TIMP2: variants seen among roughly 807,000 people sequenced by gnomAD.
TIMP2 encodes TIMP metallopeptidase inhibitor 2, also known as metalloproteinase inhibitor 2.
In TIMP2, 5 loss-of-function variants were observed where a neutral mutation model predicts 24.3. The observed-to-expected ratio is 0.21, with a 90% CI of 0.11 to 0.43. The LOEUF is 0.43. Ranked by LOEUF, TIMP2 falls within the 20% of genes least tolerant of loss-of-function variation. TIMP2 has a pLI of 1.00. For synonymous variants in TIMP2, 130 were observed against 123.2 expected (o/e 1.06, Z -0.37); for missense variants, 221 against 297.5 (o/e 0.74, Z 1.89).
intron 1 of TIMP2, among the ~76,000 whole-genome samples, chr17:78,884,580 C>T (rs987311251): frequency 6.6e-6 from 1 of 152,152 alleles, no homozygotes; most frequent in African/African-American, 2.4e-5. Flanking sequence ...CCTTCCTCCT[C>T]AGCACAGCTT....
Position 78,855,518 on chromosome 17 carries a change from G to C in TIMP2, c.*149C>G, listed in dbSNP as rs914822045. The C allele has an allele frequency of 5.9e-5, 56 of 951,186 alleles. No homozygotes were observed. The highest frequency in any genetic ancestry group is 8.0e-5 in the Non-Finnish European group (52 of 648,268). 58.9% of individuals were successfully genotyped at this position (951,186 alleles called of 1,614,324 possible). On this transcript the variant is annotated 3_prime_UTR_variant, in exon 5 of 5. Transcript: ENST00000262768. This position sits in a 1 kb window ranked among gnomAD's most constrained non-coding sequence, Gnocchi z 6.0. ...TCCAGACCCACAACCATGTCTAAAA[G>C]GAGAAGGGGGGAGCAGAATCATATT...
intron 1 of TIMP2, chr17:78,892,534 C>A: frequency 3.4e-6 from 5 of 1,472,592 alleles, no homozygotes; most frequent in South Asian, 1.4e-5. Context: ...GAGACAAGCA[C>A]ACGGGATTCT....
chr17:78,894,280 C>G (rs2069964157), intron 1 of TIMP2, among the ~76,000 whole-genome samples: 1 of 151,974 alleles, frequency 6.6e-6, no homozygotes, highest in African/African-American at 2.4e-5. Context: ...GTGGCAGAGA[C>G]AGGCCCTCTG....
chr17:78,890,880 T>A (rs2145768017), intron 1 of TIMP2: 3 of 1,550,630 alleles, frequency 1.9e-6, no homozygotes. Flanking sequence ...TGCTCCCTCC[T>A]CTCTTTTTCT....
intron 3 of TIMP2, among the ~76,000 whole-genome samples, chr17:78,858,659 T>C (rs2069544737): frequency 6.6e-6 from 1 of 152,118 alleles, no homozygotes; most frequent in Non-Finnish European, 1.5e-5. Context: ...TAGCTGGGAC[T>C]ATAGGTGTGA....
intron 1 of TIMP2, chr17:78,890,487 T>C (rs58750880): frequency 0.035 from 31,137 of 888,176 alleles, 3,148 homozygotes; most frequent in African/African-American, 0.31. Context: ...ATTACAGGCG[T>C]GCGCCACTGC....
At chr17:78,879,344 G>A (rs2069758014) in intron 1 of TIMP2, among the ~76,000 whole-genome samples, 1 of 152,246 alleles carries the variant, frequency 6.6e-6, no homozygotes. Flanking sequence ...GTAGGGGAAA[G>A]CAGGCCACTT....
intron 1 of TIMP2, among the ~76,000 whole-genome samples, chr17:78,894,486 C>CTCCCTT (rs1229095377): frequency 1.3e-5 from 2 of 152,152 alleles, no homozygotes; most frequent in Non-Finnish European, 2.9e-5. Context: ...AGAGAGAAAG[C>CTCCCTT]TGGGCCCTTC....
intron 1 of TIMP2, among the ~76,000 whole-genome samples, chr17:78,914,244 C>A (rs559925764): frequency 1.4e-5 from 2 of 146,856 alleles, no homozygotes; most frequent in Non-Finnish European, 3.0e-5. Context: ...CATCTGCCTT[C>A]GAAATTTTGG....
At chr17:78,915,130 C>T (rs1473166417) in intron 1 of TIMP2, among the ~76,000 whole-genome samples, 1 of 152,042 alleles carries the variant, frequency 6.6e-6, no homozygotes, top group East Asian at 1.9e-4. Context: ...CTCCTGACCT[C>T]AGGTGATCCA....
At chr17:78,870,844 G>C in intron 3 of TIMP2, 54 bp downstream of exon 3, 3 of 1,521,834 alleles carry the variant, frequency 2.0e-6, no homozygotes, top group Non-Finnish European at 2.7e-6. Flanking sequence ...ACCGCGTCTA[G>C]GAACAGCCCC....
chr17:78,865,492 C>T (rs1189394636), intron 3 of TIMP2, among the ~76,000 whole-genome samples: 2 of 151,992 alleles, frequency 1.3e-5, no homozygotes, highest in Non-Finnish European at 2.9e-5. Context: ...GGCGTGGTGG[C>T]ACATGCCTGT....
At chr17:78,900,545 A>C (rs371741985) in intron 1 of TIMP2, among the ~76,000 whole-genome samples, 1 of 3,048 alleles carries the variant, frequency 3.3e-4, no homozygotes, top group Non-Finnish European at 9.3e-4. Context: ...ACTCCATTTC[A>C]AAAAAAAAAA....
chr17:78,923,396 T>TGGGGGGGGG (rs1255104339), intron 1 of TIMP2, among the ~76,000 whole-genome samples: 2 of 47,700 alleles, frequency 4.2e-5, no homozygotes, highest in Non-Finnish European at 7.8e-5. Flanking sequence ...TGGGGCGGGG[T>TGGGGGGGGG]GGGGGGGGGG....
intron 1 of TIMP2, among the ~76,000 whole-genome samples, chr17:78,882,060 G>A (rs1340213348): frequency 3.3e-5 from 5 of 152,238 alleles, no homozygotes; most frequent in Admixed American, 3.3e-4. Flanking sequence ...GGCCTCCTGG[G>A]TTCAAGCGAT....
chr17:78,908,244 G>A (rs577369584), intron 1 of TIMP2, among the ~76,000 whole-genome samples: 1 of 152,268 alleles, frequency 6.6e-6, no homozygotes, highest in African/African-American at 2.4e-5. Flanking sequence ...TGTTTCTAAC[G>A]TTTCCGTAAG....
At chr17:78,899,809 C>G (rs1243628805) in intron 1 of TIMP2, 1 of 152,284 alleles carries the variant, frequency 6.6e-6, no homozygotes, top group Non-Finnish European at 1.5e-5. Flanking sequence ...CCCAGGATGC[C>G]CCAACCCTCC....
rs112409181 is a variant in TIMP2 at position 78,874,253 on chromosome 17, C to T, written c.131-334G>A. The T allele has an allele frequency of 1.7e-3, 489 of 294,792 alleles. 3 individuals are homozygous for T. The highest frequency in any genetic ancestry group is 0.01 in the African/African-American group (459 of 45,516). The allele number at this position is 294,792 out of a possible 1,614,324, so 18.3% of individuals were successfully genotyped here. On this transcript the variant is annotated intron_variant, in intron 1 of 4. Coordinates refer to ENST00000262768, the MANE Select transcript of TIMP2 (RefSeq NM_003255.5). ...GAGGCAGTCATTGATTTGACTGAAGCTCATCTGTTGATATCATGCTTGAGT... is the reference window on the plus strand; with the variant it reads ...GAGGCAGTCATTGATTTGACTGAAGTTCATCTGTTGATATCATGCTTGAGT...
intron 1 of TIMP2, among the ~76,000 whole-genome samples, chr17:78,878,371 G>A (rs758681465): frequency 6.6e-6 from 1 of 152,196 alleles, no homozygotes; most frequent in Admixed American, 6.5e-5. Context: ...GACTGTTAGA[G>A]GGGCTGGTGT....
Sources: gnomAD v4.1 joint callset for allele counts (sites outside exome capture counted in the v4.1 genomes callset) on GRCh38, gnomAD v4.1.1 for gene constraint, Gnocchi (gnomAD v3.1) non-coding constraint, MANE v1.5 for transcripts, NCBI Gene and HGNC (gene_info 2026-07-23, HGNC 2026-07-21) for gene names.